Variants in LRFN5 observed in about 807,000 individuals in gnomAD.
The protein encoded by LRFN5 is leucine rich repeat and fibronectin type III domain containing 5, also known as leucine-rich repeat and fibronectin type-III domain-containing protein 5.
Under a neutral mutation model 45.6 loss-of-function variants are expected in LRFN5, and 24 were observed. The ratio of observed to expected loss-of-function variants is 0.53; its 90% CI spans 0.38 to 0.74. The LOEUF is 0.74. Ranked by LOEUF, LRFN5 falls within the 30% of genes least tolerant of loss-of-function variation. The pLI, the probability that LRFN5 is intolerant of heterozygous loss-of-function variation, is 0.00. For synonymous variants in LRFN5, 340 were observed against 313.8 expected (o/e 1.08, Z -0.88); for missense variants, 776 against 861.5 (o/e 0.90, Z 1.24).
At chr14:41,668,941 A>G (rs550852334) in intron 1 of LRFN5, among the ~76,000 whole-genome samples, 3 of 152,210 alleles carry the variant, frequency 2.0e-5, no homozygotes, top group South Asian at 2.1e-4. Context: ...ATGCACATAC[A>G]CCTTGGTAAT....
intron 2 of LRFN5, among the ~76,000 whole-genome samples, chr14:41,882,335 G>T (rs1355875653): frequency 1.3e-5 from 2 of 151,916 alleles, no homozygotes; most frequent in Admixed American, 1.3e-4. Flanking sequence ...GTCACCCTAC[G>T]CATTTTGTGG....
Position 41,671,604 on chromosome 14 carries a change from A to AT in LRFN5, c.-197+63053dup, listed in dbSNP as rs776231551. Among the ~76,000 whole-genome samples, 126 of 91,046 alleles carry AT rather than the reference A, an allele frequency of 1.4e-3. 1 individual carries two copies. The East Asian group carries it at 0.036, about 26-fold the overall frequency. 59.7% of individuals were successfully genotyped at this position (91,046 alleles called of 152,430 possible). ...ACCATTGTGTGGATGTGGAGGAGAG[A>AT]TTTTTTTTTTTCGTTTTTTTTTTTT... is the stretch of plus-strand genomic sequence containing the variant. On this transcript the variant is annotated intron_variant, in intron 1 of 5. Coordinates refer to ENST00000298119, the MANE Select transcript of LRFN5 (RefSeq NM_152447.5).
At chr14:41,870,154 G>A (rs1485195506) in intron 2 of LRFN5, among the ~76,000 whole-genome samples, 18 of 152,046 alleles carry the variant, frequency 1.2e-4, no homozygotes, top group Non-Finnish European at 2.6e-4. Context: ...AACTAGGGAA[G>A]AACTCACTTC....
At chr14:41,681,800 A>ATTTTAT (rs750772219) in intron 1 of LRFN5, among the ~76,000 whole-genome samples, 1 of 90,482 alleles carries the variant, frequency 1.1e-5, no homozygotes, top group African/African-American at 7.2e-5. Flanking sequence ...ATTTTATTTT[A>ATTTTAT]TTTATTTATT....
chr14:41,790,785 T>A (rs10145783), intron 2 of LRFN5, among the ~76,000 whole-genome samples: 82,537 of 150,986 alleles, frequency 0.55, 23,192 homozygotes, highest in East Asian at 0.91. Flanking sequence ...TTATTCCAGA[T>A]TGAAATATGT....
intron 2 of LRFN5, among the ~76,000 whole-genome samples, chr14:41,850,391 T>C (rs1188464901): frequency 2.6e-5 from 4 of 151,792 alleles, no homozygotes; most frequent in African/African-American, 9.7e-5. Flanking sequence ...AATGAATTGT[T>C]TGAATAACTT....
chr14:41,757,598 C>A (rs925495368), intron 1 of LRFN5, among the ~76,000 whole-genome samples: 1 of 152,200 alleles, frequency 6.6e-6, no homozygotes, highest in Non-Finnish European at 1.5e-5. Context: ...TTGCTAATAC[C>A]ATTGGAAAAG....
At chr14:41,801,704 T>C (rs895233198) in intron 2 of LRFN5, among the ~76,000 whole-genome samples, 3 of 152,190 alleles carry the variant, frequency 2.0e-5, no homozygotes, top group African/African-American at 7.2e-5. Context: ...GTGTTGGAGA[T>C]GGTAAATAAC....
intron 2 of LRFN5, among the ~76,000 whole-genome samples, chr14:41,778,990 A>G (rs1247762429): frequency 6.6e-6 from 1 of 151,746 alleles, no homozygotes; most frequent in African/African-American, 2.4e-5. Flanking sequence ...TGCAACATTT[A>G]TTCTCCTTTC....
chr14:41,762,054 T>G (rs990775277), intron 1 of LRFN5, among the ~76,000 whole-genome samples: 9 of 151,396 alleles, frequency 5.9e-5, no homozygotes, highest in African/African-American at 2.2e-4. Context: ...AAACTATTAC[T>G]ATGAAACATA....
intron 1 of LRFN5, among the ~76,000 whole-genome samples, chr14:41,705,542 T>A (rs1883028970): frequency 6.6e-6 from 1 of 152,180 alleles, no homozygotes; most frequent in Admixed American, 6.6e-5. Flanking sequence ...CAGACAGACA[T>A]AAAAATGATA....
chr14:41,835,907 GT>G (rs893795959), intron 2 of LRFN5, among the ~76,000 whole-genome samples: 1 of 148,286 alleles, frequency 6.7e-6, no homozygotes, highest in Non-Finnish European at 1.5e-5. Flanking sequence ...AGGATAAAAA[GT>G]TTTTCTTTTC....
intron 2 of LRFN5, among the ~76,000 whole-genome samples, chr14:41,806,329 C>G (rs1305907240): frequency 1.3e-5 from 2 of 152,128 alleles, no homozygotes; most frequent in African/African-American, 2.4e-5. Flanking sequence ...GCTATCTGTC[C>G]AGCCAAAGGC....
intron 2 of LRFN5, among the ~76,000 whole-genome samples, chr14:41,791,061 T>C (rs1435007081): frequency 6.6e-6 from 1 of 151,914 alleles, no homozygotes; most frequent in Non-Finnish European, 1.5e-5. Flanking sequence ...ATATATTTTG[T>C]TGCTATGCTA....
chr14:41,856,424 T>C (rs1192025457), intron 2 of LRFN5, among the ~76,000 whole-genome samples: 1 of 152,070 alleles, frequency 6.6e-6, no homozygotes, highest in African/African-American at 2.4e-5. Context: ...CTTCTATCTC[T>C]AATAGAGAAA....
At chr14:41,850,835 A>G (rs1889241342) in intron 2 of LRFN5, among the ~76,000 whole-genome samples, 1 of 151,724 alleles carries the variant, frequency 6.6e-6, no homozygotes, top group Non-Finnish European at 1.5e-5. Context: ...TGAAAGTTAC[A>G]TCTTAGCAAA....
rs139824307 is a variant in LRFN5 at position 41,758,141 on chromosome 14, C to T, written c.-196-8713C>T. ...AAAATTTCCAAGGTTTTTCCAACCA[C>T]TTTTTAGTTGCAGTGCTTGCCAGAT... On this transcript the variant is annotated intron_variant, in intron 1 of 5. Transcript: ENST00000298119. Among the ~76,000 whole-genome samples the T allele has an allele frequency of 1.1e-4, 16 of 152,268 alleles. 1 individual carries two copies. In the East Asian group the frequency reaches 2.1e-3, roughly 20 times the overall value.
chr14:41,751,773 T>A (rs888407054), intron 1 of LRFN5, among the ~76,000 whole-genome samples: 4 of 152,180 alleles, frequency 2.6e-5, no homozygotes, highest in Non-Finnish European at 4.4e-5. Context: ...GTCATTTTTT[T>A]AAAATTATAC....
intron 1 of LRFN5, among the ~76,000 whole-genome samples, chr14:41,647,609 TATA>T (rs1328164395): frequency 6.6e-6 from 1 of 152,128 alleles, no homozygotes; most frequent in Non-Finnish European, 1.5e-5. Flanking sequence ...GGATATTAAT[TATA>T]ATTTTAACAA....
Sources: gnomAD v4.1 joint callset for allele counts (sites outside exome capture counted in the v4.1 genomes callset) on GRCh38, gnomAD v4.1.1 for gene constraint, MANE v1.5 for transcripts, NCBI Gene and HGNC (gene_info 2026-07-23, HGNC 2026-07-21) for gene names.